Variants in FBLN7 observed in about 807,000 individuals in gnomAD.
The protein encoded by FBLN7 is fibulin 7.
A neutral mutation model predicts 44.0 loss-of-function variants in FBLN7; 31 were observed. The ratio of observed to expected loss-of-function variants is 0.70; its 90% CI spans 0.53 to 0.95. The LOEUF is 0.95. Among genes scored for constraint, FBLN7 ranks in the 40% least tolerant of loss-of-function variants. FBLN7 has a pLI of 0.00. For missense variants in FBLN7, 573 were observed against 618.5 expected (o/e 0.93, Z 0.78); for synonymous variants, 262 against 253.4 (o/e 1.03, Z -0.32).
chr2:112,242,271 A>G, the FBLN7 span, among the ~76,000 whole-genome samples: 2 of 152,264 alleles, frequency 1.3e-5, no homozygotes, highest in African/African-American at 4.8e-5. Context: ...TCATGGTTGA[A>G]ACAAAAGAAA....
At chr2:112,142,758 A>G (rs1040557582) in intron 1 of FBLN7, among the ~76,000 whole-genome samples, 38 of 126,720 alleles carry the variant, frequency 3.0e-4, no homozygotes, top group East Asian at 3.8e-4. Flanking sequence ...TCATGAGCGT[A>G]TGTGTGTGTT....
chr2:112,209,734 T>A, the FBLN7 span, among the ~76,000 whole-genome samples: 1 of 151,970 alleles, frequency 6.6e-6, no homozygotes, highest in Non-Finnish European at 1.5e-5. Context: ...AGGAACCCTA[T>A]ATAGGGAAGA....
At chr2:112,194,883 T>G in the FBLN7 span, among the ~76,000 whole-genome samples, 1 of 152,176 alleles carries the variant, frequency 6.6e-6, no homozygotes. Context: ...AAGTAAGATC[T>G]CCACATCTGT....
chr2:112,154,896 C>T (rs113144014), intron 1 of FBLN7, among the ~76,000 whole-genome samples: 70 of 152,178 alleles, frequency 4.6e-4, no homozygotes, highest in African/African-American at 1.6e-3. Flanking sequence ...TTGCTCTGCT[C>T]GTTAACATGA....
intron 3 of FBLN7, 123 bp downstream of exon 3, chr2:112,165,294 C>A: frequency 8.1e-7 from 1 of 1,234,348 alleles, no homozygotes; most frequent in Non-Finnish European, 1.1e-6. Flanking sequence ...TCCTCAACCA[C>A]AGAACAGCAG....
chr2:112,187,232 A>C lies in FBLN7; in HGVS notation c.1046A>C (p.Lys349Thr). The part of the protein sequence containing the change: ...FHYLSLPSNL[K>T]TPITLFRMAT... ...TACCTCTCTCTGCCTTCCAACCTGA[A>C]GACGCCCATCACGCTCTTCCGCATG... The change falls in exon 8 of 8, where the codon AAG (lysine) becomes ACG (threonine). Residue 349 changes from lysine to threonine, a missense_variant. Coordinates refer to ENST00000331203, the MANE Select transcript of FBLN7 (RefSeq NM_153214.3). This position sits in a 1 kb window ranked among gnomAD's most constrained non-coding sequence, Gnocchi z 5.1. The C allele has an allele frequency of 6.2e-7, 1 of 1,613,934 alleles. No homozygotes were observed.
At chr2:112,168,999 C>A (rs938356705) in intron 3 of FBLN7, among the ~76,000 whole-genome samples, 10 of 152,142 alleles carry the variant, frequency 6.6e-5, no homozygotes, top group Non-Finnish European at 1.5e-4. Flanking sequence ...AGGCCAGGAG[C>A]GGTGGCTCAC....
rs1172505942 is a variant in FBLN7, at chr2:112,138,607, G to C, written c.-49G>C. 3 of 1,601,736 alleles carry C rather than the reference G, an allele frequency of 1.9e-6. No homozygotes were observed. Among genetic ancestry groups the C allele is most frequent in the Non-Finnish European group, 2.6e-6 (3 of 1,172,624 alleles). ...GCATCGCTGGGACAAACTCGGCAGC[G>C]GAGGCAAAGTTATTTCCCCTCCCAG... On this transcript the variant is annotated 5_prime_UTR_variant, in exon 1 of 8. Transcript: ENST00000331203.
chr2:112,224,174 T>C, the FBLN7 span, among the ~76,000 whole-genome samples: 22 of 152,338 alleles, frequency 1.4e-4, no homozygotes, highest in African/African-American at 5.1e-4. Flanking sequence ...ATAATATTAA[T>C]GATATTTGAA....
the FBLN7 span, among the ~76,000 whole-genome samples, chr2:112,218,469 C>T: frequency 1.3e-5 from 2 of 152,094 alleles, no homozygotes; most frequent in African/African-American, 2.4e-5. Flanking sequence ...TGTAGAAAAC[C>T]TCAACACACA....
At chr2:112,160,752 GCA>G (rs1232312073) in intron 2 of FBLN7, among the ~76,000 whole-genome samples, 1,658 of 32,448 alleles carry the variant, frequency 0.051, 77 homozygotes, top group Admixed American at 0.21. Flanking sequence ...ACACGCGCAC[GCA>G]CACACGCACG....
At chr2:112,224,095 A>T in the FBLN7 span, among the ~76,000 whole-genome samples, 106 of 152,276 alleles carry the variant, frequency 7.0e-4, no homozygotes, top group Non-Finnish European at 1.1e-3. Context: ...GCTGAGATAG[A>T]TAATGCCACT....
chr2:112,151,582 T>C (rs934208015), intron 1 of FBLN7: 1 of 152,190 alleles, frequency 6.6e-6, no homozygotes, highest in Non-Finnish European at 1.5e-5. Context: ...TGACAGAATG[T>C]ATTAGTTTTT....
chr2:112,142,668 G>T (rs1445221102), intron 1 of FBLN7, among the ~76,000 whole-genome samples: 1 of 152,180 alleles, frequency 6.6e-6, no homozygotes, highest in Non-Finnish European at 1.5e-5. Flanking sequence ...TCATGGGGGT[G>T]GGCCACAACC....
the FBLN7 span, among the ~76,000 whole-genome samples, chr2:112,207,563 T>C: frequency 1.3e-5 from 2 of 152,210 alleles, no homozygotes; most frequent in African/African-American, 2.4e-5. Context: ...TGCTCAGTTC[T>C]TCTATATATT....
At chr2:112,227,299 C>T in the FBLN7 span, among the ~76,000 whole-genome samples, 13 of 152,222 alleles carry the variant, frequency 8.5e-5, no homozygotes, top group East Asian at 2.1e-3. Context: ...CCGAGGCAGG[C>T]GGATCGCCTG....
chr2:112,196,984 A>G, the FBLN7 span, among the ~76,000 whole-genome samples: 43 of 152,070 alleles, frequency 2.8e-4, no homozygotes, highest in South Asian at 1.9e-3. Context: ...AGACTTATTC[A>G]CTATCACAAG....
chr2:112,160,740 A>ACACGCGCG (rs1553474968), intron 2 of FBLN7, among the ~76,000 whole-genome samples: 2 of 40,936 alleles, frequency 4.9e-5, no homozygotes, highest in South Asian at 6.3e-4. Flanking sequence ...ACGCACACGC[A>ACACGCGCG]CACACGCGCA....
rs1176625616 is a variant in FBLN7 at position 112,187,101 on chromosome 2, G to C, written c.948-33G>C. The stretch of plus-strand genomic sequence containing the variant: ...GCAGCTCTTCATGAGACTCCCCAAG[G>C]CTGACTGCCTCCATTTTGCCTCTCC... On this transcript the variant is annotated intron_variant, in intron 7 of 7. Transcript: ENST00000331203. This position sits in a 1 kb window ranked among gnomAD's most constrained non-coding sequence, Gnocchi z 5.1. The C allele has an allele frequency of 6.2e-7, 1 of 1,605,262 alleles. No individual in the cohort carries two copies.
Sources: allele counts gnomAD v4.1 joint callset (sites outside exome capture counted in the v4.1 genomes callset), GRCh38; gene constraint gnomAD v4.1.1; non-coding constraint Gnocchi (gnomAD v3.1); transcripts MANE v1.5; gene names NCBI Gene and HGNC (gene_info 2026-07-23, HGNC 2026-07-21).